The following NUDT21 variants were observed in gnomAD, a reference collection of about 807,000 sequenced individuals.
NUDT21 encodes the protein cleavage and polyadenylation specificity factor subunit 5.
NUDT21 carries 5 observed loss-of-function variants against 29.8 expected under a neutral mutation model. That is an observed-to-expected ratio of 0.17 (90% CI 0.09 to 0.35). The LOEUF (loss-of-function observed/expected upper bound fraction) is 0.35, where lower values mean the gene tolerates loss of function less well. Ranked by LOEUF, NUDT21 falls within the 10% of genes least tolerant of loss-of-function variation. The probability of loss-of-function intolerance (pLI) is 1.00; values close to 1 mark genes in which losing one functional copy is unlikely to be tolerated. For missense variants in NUDT21, 76 were observed against 276.0 expected, an observed-to-expected ratio of 0.28 and a Z score of 5.13; for synonymous variants, 113 against 98.5, an observed-to-expected ratio of 1.15 and a Z score of -0.87.
At chr16:56,447,685 T>C (rs1176362465) in intron 2 of NUDT21, 104 bp downstream of exon 2, 2 of 933,326 alleles carry the variant, frequency 2.1e-6, no homozygotes, top group Non-Finnish European at 1.7e-6. Context: ...TTAACAGCAG[T>C]GTTTGTTGAA....
At chr16:56,449,366 C>G (rs1245012488) in intron 1 of NUDT21, 1 of 152,216 alleles carries the variant, frequency 6.6e-6, no homozygotes, top group Non-Finnish European at 1.5e-5. Context: ...TTCCTCACCA[C>G]TGTATATCCA....
At chr16:56,441,891 T>TA (rs1393229972) in intron 3 of NUDT21, among the ~76,000 whole-genome samples, 1 of 152,258 alleles carries the variant, frequency 6.6e-6, no homozygotes, top group African/African-American at 2.4e-5. Context: ...TCATCTTTTC[T>TA]AAGACATGTT....
intron 3 of NUDT21, among the ~76,000 whole-genome samples, chr16:56,440,142 T>C (rs1019392983): frequency 3.3e-5 from 5 of 152,254 alleles, no homozygotes; most frequent in African/African-American, 1.2e-4. Flanking sequence ...CTTTCAACTC[T>C]TGGTTGTTTT....
intron 4 of NUDT21, among the ~76,000 whole-genome samples, chr16:56,436,057 G>A (rs1962100829): frequency 1.3e-5 from 2 of 150,070 alleles, no homozygotes; most frequent in African/African-American, 4.9e-5. Flanking sequence ...TTAAAGGGAT[G>A]AAGAGAATTA....
At chr16:56,445,249 G>C (rs567667771) in intron 3 of NUDT21, among the ~76,000 whole-genome samples, 1 of 152,094 alleles carries the variant, frequency 6.6e-6, no homozygotes, top group South Asian at 2.1e-4. Context: ...TGCTTAACTG[G>C]TAAGTATAAT....
At chr16:56,444,973 T>C (rs1210844879) in intron 3 of NUDT21, among the ~76,000 whole-genome samples, 2 of 152,196 alleles carry the variant, frequency 1.3e-5, no homozygotes, top group African/African-American at 2.4e-5. Context: ...CACCTGAGGT[T>C]AGGAGTTCTA....
intron 3 of NUDT21, among the ~76,000 whole-genome samples, chr16:56,445,435 T>A (rs1261822311): frequency 6.6e-6 from 1 of 152,226 alleles, no homozygotes; most frequent in Non-Finnish European, 1.5e-5. Context: ...ACAATCCAAT[T>A]ATACTCTTTT....
At chr16:56,439,878 CTA>C (rs1292796249) in intron 3 of NUDT21, 132 bp from the exon 4 acceptor site, 9 of 724,980 alleles carry the variant, frequency 1.2e-5, no homozygotes, top group Non-Finnish European at 2.2e-5. Context: ...TACAGATTTT[CTA>C]TGATTTGTTA....
chr16:56,446,265 C>T (rs1962220133), intron 3 of NUDT21, among the ~76,000 whole-genome samples: 1 of 152,210 alleles, frequency 6.6e-6, no homozygotes, highest in African/African-American at 2.4e-5. Context: ...AAACCTCTGG[C>T]TCTACAACAC....
intron 1 of NUDT21, among the ~76,000 whole-genome samples, chr16:56,449,961 G>A (rs1962266055): frequency 6.6e-6 from 1 of 152,048 alleles, no homozygotes; most frequent in South Asian, 2.1e-4. Flanking sequence ...TATAAACCCA[G>A]CATTTCCATT....
intron 4 of NUDT21, among the ~76,000 whole-genome samples, chr16:56,438,847 CCAAA>C (rs1291086876): frequency 6.6e-6 from 1 of 150,990 alleles, no homozygotes; most frequent in African/African-American, 2.4e-5. Flanking sequence ...CTATCCTAAT[CCAAA>C]CAAATTATAA....
intron 3 of NUDT21, among the ~76,000 whole-genome samples, chr16:56,442,349 G>A (rs1024532910): frequency 5.3e-5 from 8 of 152,208 alleles, no homozygotes; most frequent in Admixed American, 3.3e-4. Flanking sequence ...ATGTCTAGAA[G>A]TAACTTTTAC....
chr16:56,442,066 A>C (rs1187471630), intron 3 of NUDT21, among the ~76,000 whole-genome samples: 1 of 152,092 alleles, frequency 6.6e-6, no homozygotes, highest in African/African-American at 2.4e-5. Context: ...CCACAGCACC[A>C]GGCTAATTTT....
At chr16:56,447,602 T>A (rs1212669518) in intron 2 of NUDT21, 187 bp downstream of exon 2, 2 of 584,706 alleles carry the variant, frequency 3.4e-6, no homozygotes, top group East Asian at 5.8e-5. Context: ...ACATACAGAT[T>A]ACTAGTTAGG....
chr16:56,446,723 TAATAC>T (rs763025912), intron 2 of NUDT21, 34 bp from the exon 3 acceptor site: 1 of 1,323,590 alleles, frequency 7.6e-7, no homozygotes, highest in South Asian at 1.3e-5. Flanking sequence ...GCTTTCAACT[TAATAC>T]AATTTGGAGA....
At chr16:56,440,710 C>T (rs1445134829) in intron 3 of NUDT21, among the ~76,000 whole-genome samples, 17 of 151,982 alleles carry the variant, frequency 1.1e-4, no homozygotes, top group Non-Finnish European at 1.6e-4. Flanking sequence ...CTGTTTATCA[C>T]GTTTCTTCAA....
At chr16:56,444,600 C>CAAAAA (rs1245484732) in intron 3 of NUDT21, among the ~76,000 whole-genome samples, 2 of 39,030 alleles carry the variant, frequency 5.1e-5, no homozygotes, top group African/African-American at 2.0e-4. Flanking sequence ...AACTCCGCCT[C>CAAAAA]AAAAAAAAAA....
intron 3 of NUDT21, among the ~76,000 whole-genome samples, chr16:56,442,145 G>C (rs1292233476): frequency 6.6e-6 from 1 of 152,142 alleles, no homozygotes; most frequent in Non-Finnish European, 1.5e-5. Flanking sequence ...GCCTCCCAAA[G>C]TGCTGAAATT....
At chr16:56,445,090 C>T (rs750465174) in intron 3 of NUDT21, among the ~76,000 whole-genome samples, 3 of 151,818 alleles carry the variant, frequency 2.0e-5, no homozygotes, top group East Asian at 1.9e-4. Flanking sequence ...AGGCTGAGGC[C>T]GGAGAATCGC....
Sources: gnomAD v4.1 joint callset for allele counts (sites outside exome capture counted in the v4.1 genomes callset) on GRCh38, gnomAD v4.1.1 for gene constraint, MANE v1.5 for transcripts, NCBI Gene and HGNC (gene_info 2026-07-23, HGNC 2026-07-21) for gene names.